The following SUPT3H variants were observed in gnomAD, a reference collection of about 807,000 sequenced individuals.
SUPT3H encodes the protein transcription initiation protein SPT3 homolog.
Under a neutral mutation model 44.3 loss-of-function variants are expected in SUPT3H, and 44 were observed. The observed-to-expected ratio is 0.99, with a 90% CI of 0.78 to 1.28. The LOEUF is 1.28. Among genes scored for constraint, SUPT3H ranks in the 50% most tolerant of loss-of-function variants. The probability of loss-of-function intolerance (pLI) is 0.00; values close to 1 mark genes in which losing one functional copy is unlikely to be tolerated. For missense variants in SUPT3H, 380 were observed against 387.1 expected (o/e 0.98, Z 0.15); for synonymous variants, 124 against 125.6 (o/e 0.99, Z 0.09).
intron 10 of SUPT3H, among the ~76,000 whole-genome samples, chr6:44,857,212 G>A (rs1028550027): frequency 6.6e-6 from 1 of 151,860 alleles, no homozygotes; most frequent in Non-Finnish European, 1.5e-5. Context: ...CAGATGTTCT[G>A]AAAATACAAA....
At chr6:44,947,053 G>C (rs1773466091) in intron 9 of SUPT3H, among the ~76,000 whole-genome samples, 1 of 152,078 alleles carries the variant, frequency 6.6e-6, no homozygotes, top group Non-Finnish European at 1.5e-5. Flanking sequence ...AAAAGATTAT[G>C]ACATGCAAAT....
intron 2 of SUPT3H, among the ~76,000 whole-genome samples, chr6:45,171,611 A>C (rs1475469075): frequency 6.6e-6 from 1 of 152,092 alleles, no homozygotes; most frequent in Non-Finnish European, 1.5e-5. Flanking sequence ...GATAAAAGTA[A>C]GATTATGATC....
intron 2 of SUPT3H, among the ~76,000 whole-genome samples, chr6:45,264,397 C>T (rs980813853): frequency 2.0e-5 from 3 of 152,110 alleles, no homozygotes; most frequent in Non-Finnish European, 4.4e-5. Context: ...CGGTGGCTCA[C>T]GCCTGTAATC....
At chr6:45,375,400 A>C (rs1796639976) in intron 1 of SUPT3H, among the ~76,000 whole-genome samples, 1 of 152,226 alleles carries the variant, frequency 6.6e-6, no homozygotes, top group East Asian at 1.9e-4. Context: ...CGACTGTCTC[A>C]GAAAAATTAA....
At chr6:44,957,711 C>T (rs1232930025) in intron 7 of SUPT3H, among the ~76,000 whole-genome samples, 5 of 151,508 alleles carry the variant, frequency 3.3e-5, no homozygotes, top group Non-Finnish European at 7.4e-5. Flanking sequence ...CCAACTGTAT[C>T]CCTAGCACCT....
chr6:45,107,760 C>T (rs1269412699), intron 2 of SUPT3H, among the ~76,000 whole-genome samples: 2 of 152,164 alleles, frequency 1.3e-5, no homozygotes, highest in Admixed American at 6.5e-5. Flanking sequence ...AAATTCACTA[C>T]ATGTACCAGG....
intron 2 of SUPT3H, among the ~76,000 whole-genome samples, chr6:45,247,910 T>C (rs866109776): frequency 3.9e-5 from 6 of 151,990 alleles, no homozygotes; most frequent in Admixed American, 6.6e-5. Context: ...GGTGCAGAAA[T>C]AAACCCAAAG....
chr6:45,050,275 TGC>T (rs1790061416), intron 3 of SUPT3H, among the ~76,000 whole-genome samples: 1 of 70,166 alleles, frequency 1.4e-5, no homozygotes, highest in Non-Finnish European at 2.8e-5. Context: ...CTGCTTTTTC[TGC>T]AGTGTGTGTG....
intron 3 of SUPT3H, among the ~76,000 whole-genome samples, chr6:45,042,622 A>G (rs1249017051): frequency 6.6e-6 from 1 of 152,150 alleles, no homozygotes; most frequent in Non-Finnish European, 1.5e-5. Context: ...GGATGTGGAG[A>G]AATAGGAACA....
intron 3 of SUPT3H, among the ~76,000 whole-genome samples, chr6:45,059,788 C>T (rs1442307242): frequency 6.6e-6 from 1 of 151,906 alleles, no homozygotes; most frequent in Non-Finnish European, 1.5e-5. Context: ...ACTAGTATTC[C>T]TATACAACAA....
intron 2 of SUPT3H, among the ~76,000 whole-genome samples, chr6:45,214,729 G>T (rs547580793): frequency 6.6e-6 from 1 of 152,248 alleles, no homozygotes; most frequent in South Asian, 2.1e-4. Flanking sequence ...CATGCTTGTA[G>T]TCCCATTTAC....
At chr6:45,086,222 A>T (rs1312360839) in intron 3 of SUPT3H, among the ~76,000 whole-genome samples, 1 of 152,078 alleles carries the variant, frequency 6.6e-6, no homozygotes, top group Non-Finnish European at 1.5e-5. Context: ...GTATTGGCCA[A>T]CTATATTTCT....
chr6:45,021,469 G>GA (rs1785127979), intron 3 of SUPT3H, among the ~76,000 whole-genome samples: 1 of 151,620 alleles, frequency 6.6e-6, no homozygotes, highest in Admixed American at 6.6e-5. Context: ...ACGCCCATCT[G>GA]AAAAAAATAA....
rs1772146353 is a variant in SUPT3H, at chr6:44,847,874, G to A, written c.913-18017C>T. On this transcript the variant is annotated intron_variant, in intron 10 of 10. Transcript: ENST00000371459. ...TCAACCTAAGCTACTATAGACTATT[G>A]TTGGAGATGTATGGATTCCACTAAT... 1.4e-5 allele frequency among the ~76,000 whole-genome samples: 2 copies of A among 147,634 alleles called. 1 individual carries two copies. The highest frequency in any genetic ancestry group is 4.1e-4 in the East Asian group (2 of 4,914).
At chr6:44,861,578 G>T (rs1774675202) in intron 10 of SUPT3H, among the ~76,000 whole-genome samples, 1 of 151,986 alleles carries the variant, frequency 6.6e-6, no homozygotes, top group South Asian at 2.1e-4. Context: ...GTAGAAACAG[G>T]GTTTCACCAT....
chr6:45,263,039 G>C (rs78010176), intron 2 of SUPT3H, among the ~76,000 whole-genome samples: 3,654 of 152,212 alleles, frequency 0.024, 152 homozygotes, highest in African/African-American at 0.082. Flanking sequence ...ACTGCTGGTG[G>C]GAATGTAAGT....
chr6:45,334,864 G>A (rs1788246692), intron 2 of SUPT3H, among the ~76,000 whole-genome samples: 1 of 151,160 alleles, frequency 6.6e-6, no homozygotes, highest in Non-Finnish European at 1.5e-5. Context: ...TATAAAACCA[G>A]TAACAGGGAT....
chr6:45,221,077 C>A (rs1388614170), intron 2 of SUPT3H, among the ~76,000 whole-genome samples: 1 of 152,120 alleles, frequency 6.6e-6, no homozygotes, highest in Non-Finnish European at 1.5e-5. Flanking sequence ...TTTGTAGGGA[C>A]ATGGATAAAG....
rs560175628 is a variant in SUPT3H, at chr6:45,137,448, G to A, written c.102-31442C>T. Among the ~76,000 whole-genome samples, 385 of 151,788 alleles carry A rather than the reference G, an allele frequency of 2.5e-3. 2 individuals carry two copies. The highest frequency in any genetic ancestry group is 7.3e-3 in the African/African-American group (303 of 41,416). On this transcript the variant is annotated intron_variant, in intron 2 of 10. Coordinates refer to ENST00000371459, the MANE Select transcript of SUPT3H (RefSeq NM_003599.4). ...TATAAAAAGCAACAATTACAACAAC[G>A]TACACCAGGTTTAAATATACCATAT... is the stretch of plus-strand genomic sequence containing the variant.
Sources: allele counts gnomAD v4.1 joint callset (sites outside exome capture counted in the v4.1 genomes callset), GRCh38; gene constraint gnomAD v4.1.1; transcripts MANE v1.5; gene names NCBI Gene and HGNC (gene_info 2026-07-23, HGNC 2026-07-21).